CNTRL: variants seen among roughly 807,000 people sequenced by gnomAD.
The protein encoded by CNTRL is 110 kDa centrosomal protein.
Under a neutral mutation model 303.7 loss-of-function variants are expected in CNTRL, and 233 were observed. The ratio of observed to expected loss-of-function variants is 0.77; its 90% CI spans 0.69 to 0.86. The LOEUF (loss-of-function observed/expected upper bound fraction) is 0.86, where lower values mean the gene tolerates loss of function less well. CNTRL is among the 40% of genes least tolerant of loss of function. The pLI, the probability that CNTRL is intolerant of heterozygous loss-of-function variation, is 0.00. For missense variants in CNTRL, 2,524 were observed against 2,650.6 expected (o/e 0.95, Z 1.05); for synonymous variants, 900 against 922.2 (o/e 0.98, Z 0.44).
At chr9:121,140,375 G>A (rs1001235494) in intron 16 of CNTRL, among the ~76,000 whole-genome samples, 6 of 152,244 alleles carry the variant, frequency 3.9e-5, no homozygotes, top group African/African-American at 1.4e-4. Flanking sequence ...GGGGCAATGG[G>A]CATGGACAGT....
intron 6 of CNTRL, among the ~76,000 whole-genome samples, 180 bp downstream of exon 6, chr9:121,096,743 G>A (rs2048908785): frequency 6.6e-6 from 1 of 152,060 alleles, no homozygotes; most frequent in South Asian, 2.1e-4. Flanking sequence ...TCCTCATTTT[G>A]CATGGGTTCC....
rs2131706287 is a variant in CNTRL at position 121,158,959 on chromosome 9, C to T, written c.4869C>T (p.Asp1623=). 1.2e-6 allele frequency: 2 copies of T among 1,614,136 alleles called. No homozygotes were observed. The highest frequency in any genetic ancestry group is 2.2e-5 in the East Asian group (1 of 44,886). ...GAAGCATGGTCCAGGCAAAAGCTGACCTCCAGGAAGCTCTGAGACTGGGAG... is the reference window on the plus strand; with the variant it reads ...GAAGCATGGTCCAGGCAAAAGCTGATCTCCAGGAAGCTCTGAGACTGGGAG... ...LQGSMVQAKA[D]LQEALRLGET... is the part of the protein sequence containing the mutation. Residue 1623 remains aspartate, a synonymous_variant, in exon 31 of 44, where the codon GAC becomes GAT. Coordinates refer to ENST00000373855, the MANE Select transcript of CNTRL (RefSeq NM_007018.6).
At chr9:121,115,299 C>T (rs1325531890) in intron 11 of CNTRL, 99 bp downstream of exon 11, 2 of 572,186 alleles carry the variant, frequency 3.5e-6, no homozygotes, top group Admixed American at 7.3e-5. Context: ...CAGTTAGCTG[C>T]CTAGTTAATT....
chr9:121,162,014 T>G, intron 33 of CNTRL, 40 bp from the exon 34 acceptor site: 1 of 1,613,342 alleles, frequency 6.2e-7, no homozygotes, highest in African/African-American at 1.3e-5. Context: ...CTGAAGTCTT[T>G]CTCATTTAAG....
intron 2 of CNTRL, among the ~76,000 whole-genome samples, chr9:121,087,687 G>A (rs932380595): frequency 2.0e-5 from 3 of 152,060 alleles, no homozygotes; most frequent in Non-Finnish European, 4.4e-5. Flanking sequence ...GTGAGATTCT[G>A]TCTCAAAAAA....
chr9:121,090,464 A>G (rs2048517189), intron 4 of CNTRL, 59 bp downstream of exon 4: 1 of 1,493,734 alleles, frequency 6.7e-7, no homozygotes, highest in African/African-American at 1.4e-5. Context: ...GTGCTTTAAT[A>G]CTGCGAAAAA....
chr9:121,161,314 C>G (rs2052844981), intron 32 of CNTRL: 4 of 426,436 alleles, frequency 9.4e-6, no homozygotes, highest in Admixed American at 4.3e-5. Flanking sequence ...TCTCTATGAT[C>G]AGAAAAAAAG....
chr9:121,171,417 CAGG>C lies in CNTRL; in HGVS notation c.6289_6291del (p.Glu2097del), dbSNP rs750801509. 1 of 1,613,966 alleles carries C rather than the reference CAGG, an allele frequency of 6.2e-7. No homozygotes were observed. Among genetic ancestry groups the C allele is most frequent in the East Asian group, 2.2e-5 (1 of 44,870 alleles). On this transcript the variant is annotated inframe_deletion, in exon 40 of 44. Coordinates refer to ENST00000373855, the MANE Select transcript of CNTRL (RefSeq NM_007018.6). The stretch of plus-strand genomic sequence containing the variant: ...CTTCCTCCTGTGCTAGGAGCAAAAA[CAGG>C]AGAACAGCTGCATACAAAAGGAAAT...
In CNTRL at chr9:121,174,916, A is replaced by T. The variant is rs1359003779; in HGVS notation, c.6748-102A>T. 4.0e-6 allele frequency: 4 copies of T among 1,004,088 alleles called. No individual in the cohort carries two copies. In the Admixed American group the frequency reaches 5.4e-5, roughly 14 times the overall value. 62.2% of individuals were successfully genotyped at this position (1,004,088 alleles called of 1,614,324 possible). On this transcript the variant is annotated intron_variant, in intron 42 of 43. Coordinates refer to ENST00000373855, the MANE Select transcript of CNTRL (RefSeq NM_007018.6). ...ATGAGCATTTTTGACAGCCATTCCT[A>T]CTGTTAGCCAGATTTGCCTATCAAA...
chr9:121,075,029 A>C lies in CNTRL; in HGVS notation c.-243A>C, dbSNP rs575251449. The C allele has an allele frequency of 6.7e-6, 3 of 450,604 alleles. No homozygotes were observed. The highest frequency in any genetic ancestry group is 6.0e-5 in the African/African-American group (3 of 50,046). 27.9% of individuals were successfully genotyped at this position (450,604 alleles called of 1,614,324 possible). On this transcript the variant is annotated 5_prime_UTR_variant, in exon 1 of 44. Coordinates refer to ENST00000373855, the MANE Select transcript of CNTRL (RefSeq NM_007018.6). ...AAAGAGCCCGAACTTCTCCCGCTCT[A>C]CCTCAGCCTGCGGGACTGCTCGGCT...
chr9:121,087,326 T>C (rs981520481), intron 2 of CNTRL, among the ~76,000 whole-genome samples: 2 of 152,116 alleles, frequency 1.3e-5, no homozygotes, highest in Non-Finnish European at 2.9e-5. Context: ...GAGTGTAGGA[T>C]GCCAATGAGA....
At chr9:121,077,301 A>G (rs939858579) in intron 1 of CNTRL, among the ~76,000 whole-genome samples, 16 of 149,746 alleles carry the variant, frequency 1.1e-4, no homozygotes, top group Admixed American at 4.7e-4. Flanking sequence ...TCATTTTTCC[A>G]TTGCTTGCTT....
chr9:121,150,506 CTCTT>C, intron 25 of CNTRL, 23 bp downstream of exon 25: 1 of 1,600,906 alleles, frequency 6.2e-7, no homozygotes, highest in Non-Finnish European at 8.6e-7. Flanking sequence ...ACATACAACT[CTCTT>C]TCCACACTGC....
chr9:121,135,252 A>G (rs1209840545), intron 14 of CNTRL, among the ~76,000 whole-genome samples: 3 of 152,190 alleles, frequency 2.0e-5, no homozygotes, highest in African/African-American at 7.2e-5. Flanking sequence ...TGTTCTTCTG[A>G]TAAATGAACA....
At chr9:121,169,869 T>C in intron 39 of CNTRL, 53 bp downstream of exon 39, 1 of 1,445,586 alleles carries the variant, frequency 6.9e-7, no homozygotes, top group Non-Finnish European at 9.7e-7. Flanking sequence ...TTTAAAATTT[T>C]AAACTGCAAC....
intron 3 of CNTRL, among the ~76,000 whole-genome samples, chr9:121,089,051 T>C (rs1416971716): frequency 6.6e-6 from 1 of 152,206 alleles, no homozygotes; most frequent in African/African-American, 2.4e-5. Flanking sequence ...AGTGCATTGT[T>C]GGGGGTATAG....
Position 121,115,168 on chromosome 9 carries a change from A to G in CNTRL, c.1423A>G (p.Lys475Glu), listed in dbSNP as rs755338132. The G allele has an allele frequency of 1.9e-6, 3 of 1,604,792 alleles. No individual in the cohort carries two copies. In the African/African-American group the frequency reaches 4.0e-5, roughly 21 times the overall value. The change falls in exon 11 of 44, where the codon AAA (lysine) becomes GAA (glutamate). Residue 475 changes from lysine to glutamate, a missense_variant. Lys to Glu is a moderately conservative substitution (Grantham distance 56). Transcript: ENST00000373855. The stretch of plus-strand genomic sequence containing the variant: ...AATTTTGAGAGCTACTGAAGAATTT[A>G]AACAACTGGAAGAAGCTATACAACT... ...QQILRATEEF[K>E]QLEEAIQLKK...
chr9:121,103,227 C>T (rs1328762171), intron 7 of CNTRL, among the ~76,000 whole-genome samples: 1 of 151,674 alleles, frequency 6.6e-6, no homozygotes. Flanking sequence ...CAGAACAGAG[C>T]CCTCAGAAAT....
At position 121,168,113 on chromosome 9, in the gene CNTRL, G is replaced by C; in HGVS notation, c.5862G>C (p.Gln1954His). Residue 1954 changes from glutamine (Q) to histidine (H), a missense_variant, in exon 38 of 44, where the codon CAG becomes CAC. By Grantham distance (24) the Gln-to-His change is conservative. Transcript: ENST00000373855. ...TTATTAAGATGTTTCAGAGACTCCA[G>C]AAAGAGAGAGAAAGTGAAGAAAGCA... is the stretch of plus-strand genomic sequence containing the variant. ...VQQEMMFQRL[Q>H]KERESEESKL... 6.2e-7 allele frequency: 1 copy of C among 1,612,590 alleles called. No homozygotes were observed. Among genetic ancestry groups the C allele is most frequent in the Non-Finnish European group, 8.5e-7 (1 of 1,179,816 alleles).
Sources: gnomAD v4.1 joint callset for allele counts (sites outside exome capture counted in the v4.1 genomes callset) on GRCh38, gnomAD v4.1.1 for gene constraint, MANE v1.5 for transcripts, NCBI Gene and HGNC (gene_info 2026-07-23, HGNC 2026-07-21) for gene names.